Variants in MACROD2 observed in about 807,000 individuals in gnomAD.
MACROD2 encodes ADP-ribose glycohydrolase MACROD2.
A neutral mutation model predicts 70.4 loss-of-function variants in MACROD2; 36 were observed. The observed-to-expected ratio is 0.51, with a 90% CI of 0.39 to 0.68. The LOEUF (loss-of-function observed/expected upper bound fraction) is 0.68, where lower values mean the gene tolerates loss of function less well. Ranked by LOEUF, MACROD2 falls within the 30% of genes least tolerant of loss-of-function variation. MACROD2 has a pLI of 0.00. For missense variants in MACROD2, 496 were observed against 538.4 expected (o/e 0.92, Z 0.78); for synonymous variants, 172 against 178.8 (o/e 0.96, Z 0.30).
chr20:15,640,547 A>C (rs1163024901), intron 8 of MACROD2, among the ~76,000 whole-genome samples: 1 of 152,242 alleles, frequency 6.6e-6, no homozygotes, highest in East Asian at 1.9e-4. Flanking sequence ...CTGCCGTTAC[A>C]CAAACTATGA....
At chr20:15,170,917 G>T (rs1309120800) in intron 5 of MACROD2, among the ~76,000 whole-genome samples, 1 of 152,180 alleles carries the variant, frequency 6.6e-6, no homozygotes, top group Non-Finnish European at 1.5e-5. Context: ...TAGAGAGAGA[G>T]ATTGGCAGGG....
At chr20:15,159,353 A>G (rs1311206480) in intron 5 of MACROD2, among the ~76,000 whole-genome samples, 1 of 152,050 alleles carries the variant, frequency 6.6e-6, no homozygotes, top group Non-Finnish European at 1.5e-5. Flanking sequence ...GTTTTGTCAA[A>G]CATATGACTC....
chr20:15,853,602 C>G (rs974517838), intron 8 of MACROD2, among the ~76,000 whole-genome samples: 1 of 152,062 alleles, frequency 6.6e-6, no homozygotes, highest in Non-Finnish European at 1.5e-5. Flanking sequence ...CAGGAGGCCT[C>G]CAGGAGCTGA....
At chr20:15,749,029 G>A (rs896719131) in intron 8 of MACROD2, among the ~76,000 whole-genome samples, 30 of 152,130 alleles carry the variant, frequency 2.0e-4, no homozygotes, top group African/African-American at 7.0e-4. Flanking sequence ...TACAAATTAT[G>A]TATACAAATA....
intron 5 of MACROD2, among the ~76,000 whole-genome samples, chr20:15,050,568 G>C (rs1196446369): frequency 9.8e-6 from 1 of 101,550 alleles, no homozygotes; most frequent in East Asian, 2.9e-4. Context: ...TTGAGATGGA[G>C]TCTTGCTCCG....
intron 4 of MACROD2, among the ~76,000 whole-genome samples, chr20:14,611,797 G>A (rs1181466309): frequency 1.3e-5 from 2 of 152,026 alleles, no homozygotes; most frequent in African/African-American, 2.4e-5. Flanking sequence ...ATAGTATTAT[G>A]ACTGAAATAT....
At chr20:14,986,841 C>G (rs1172928696) in intron 5 of MACROD2, among the ~76,000 whole-genome samples, 3 of 152,138 alleles carry the variant, frequency 2.0e-5, no homozygotes. Flanking sequence ...AGGATCAATC[C>G]TTGTTCAAAG....
At chr20:16,018,354 T>A (rs936316438) in intron 15 of MACROD2, among the ~76,000 whole-genome samples, 5 of 152,122 alleles carry the variant, frequency 3.3e-5, no homozygotes, top group African/African-American at 1.2e-4. Flanking sequence ...GTTACTGATG[T>A]GCTATATGTA....
At chr20:14,462,140 A>G (rs2123019762) in intron 3 of MACROD2, among the ~76,000 whole-genome samples, 1 of 152,222 alleles carries the variant, frequency 6.6e-6, no homozygotes, top group South Asian at 2.1e-4. Context: ...ACTAGTTTAC[A>G]GTCCCACCAA....
chr20:15,497,569 C>G (rs1295408395), intron 7 of MACROD2, among the ~76,000 whole-genome samples: 1 of 152,042 alleles, frequency 6.6e-6, no homozygotes, highest in Non-Finnish European at 1.5e-5. Context: ...GAGTTACAGG[C>G]GTGAGCCACC....
At chr20:16,013,896 A>T (rs1279097091) in intron 15 of MACROD2, among the ~76,000 whole-genome samples, 1 of 152,190 alleles carries the variant, frequency 6.6e-6, no homozygotes, top group Admixed American at 6.5e-5. Flanking sequence ...ATATCTGTTG[A>T]GATAGGCCCT....
At chr20:15,444,642 T>C (rs2046538269) in intron 7 of MACROD2, among the ~76,000 whole-genome samples, 1 of 152,122 alleles carries the variant, frequency 6.6e-6, no homozygotes, top group Admixed American at 6.6e-5. Context: ...GGAGAGCATG[T>C]ATCAAAGTGG....
At chr20:15,493,191 A>G (rs1449978003) in intron 7 of MACROD2, among the ~76,000 whole-genome samples, 7 of 152,202 alleles carry the variant, frequency 4.6e-5, no homozygotes, top group East Asian at 1.9e-4. Flanking sequence ...CTGCCTTCTT[A>G]CAAACTGCAA....
intron 5 of MACROD2, among the ~76,000 whole-genome samples, chr20:14,910,458 C>G (rs190969374): frequency 2.6e-5 from 4 of 151,968 alleles, no homozygotes; most frequent in African/African-American, 9.7e-5. Context: ...CTTTTCAAAA[C>G]AAATAAAGAA....
At chr20:15,299,509 C>A (rs2077622247) in intron 6 of MACROD2, among the ~76,000 whole-genome samples, 1 of 152,108 alleles carries the variant, frequency 6.6e-6, no homozygotes, top group African/African-American at 2.4e-5. Flanking sequence ...ATTTTAAGGC[C>A]CAGAGTATTT....
At chr20:14,909,332 C>T (rs1017388664) in intron 5 of MACROD2, among the ~76,000 whole-genome samples, 6 of 151,988 alleles carry the variant, frequency 3.9e-5, no homozygotes, top group Admixed American at 2.0e-4. Flanking sequence ...ATGGAGAAGA[C>T]GGTAAATTTT....
At chr20:16,013,771 T>C (rs977964582) in intron 15 of MACROD2, among the ~76,000 whole-genome samples, 1 of 152,190 alleles carries the variant, frequency 6.6e-6, no homozygotes, top group African/African-American at 2.4e-5. Context: ...ACATTGCAAT[T>C]TACCACCTCG....
At chr20:15,802,235 T>C (rs2063732776) in intron 8 of MACROD2, among the ~76,000 whole-genome samples, 1 of 152,190 alleles carries the variant, frequency 6.6e-6, no homozygotes, top group African/African-American at 2.4e-5. Context: ...TCCAATACTA[T>C]GTTGAATCAG....
chr20:14,821,742 G>C (rs573211287), intron 5 of MACROD2, among the ~76,000 whole-genome samples: 1 of 152,184 alleles, frequency 6.6e-6, no homozygotes, highest in East Asian at 1.9e-4. Context: ...TGATCATATA[G>C]AAGTTTAGGG....
Sources: gnomAD v4.1 joint callset for allele counts (sites outside exome capture counted in the v4.1 genomes callset) on GRCh38, gnomAD v4.1.1 for gene constraint, MANE v1.5 for transcripts, NCBI Gene and HGNC (gene_info 2026-07-23, HGNC 2026-07-21) for gene names.